The following UNC5B variants were observed in gnomAD, a reference collection of about 807,000 sequenced individuals.
The protein encoded by UNC5B is unc-5 netrin receptor B.
A neutral mutation model predicts 103.7 loss-of-function variants in UNC5B; 56 were observed. That is an observed-to-expected ratio of 0.54 (90% CI 0.44 to 0.67). The LOEUF is 0.67. UNC5B is among the 30% of genes least tolerant of loss of function. The pLI, the probability that UNC5B is intolerant of heterozygous loss-of-function variation, is 0.00. For synonymous variants in UNC5B, 577 were observed against 542.0 expected, an observed-to-expected ratio of 1.06 and a Z score of -0.90; for missense variants, 1,194 against 1,284.5, an observed-to-expected ratio of 0.93 and a Z score of 1.08.
Position 71,295,840 on chromosome 10 carries a change from C to T in UNC5B, c.2205C>T (p.Gly735=), listed in dbSNP as rs750967223. ...TGCTGGAGCTGGAGCGGACTCTGGG[C>T]GGATACTTGGTGGAGGAGCCGAAAC... ...KEVLELERTL[G]GYLVEEPKPL... The change falls in exon 14 of 17, where the codon GGC becomes GGT. Residue 735 remains glycine, a synonymous_variant. Transcript: ENST00000335350. The T allele has an allele frequency of 3.3e-5, 53 of 1,612,662 alleles. No homozygotes were observed. The highest frequency in any genetic ancestry group is 2.0e-4 in the Middle Eastern group (1 of 5,022).
intron 1 of UNC5B, among the ~76,000 whole-genome samples, chr10:71,261,339 T>A (rs1844413067): frequency 6.6e-6 from 1 of 152,184 alleles, no homozygotes; most frequent in South Asian, 2.1e-4. Flanking sequence ...AATTTATTAG[T>A]GATGCTTGCC....
chr10:71,236,491 C>G (rs558647026), intron 1 of UNC5B, among the ~76,000 whole-genome samples: 3 of 152,254 alleles, frequency 2.0e-5, no homozygotes, highest in East Asian at 3.9e-4. Context: ...AGAGCCAGCT[C>G]GTAAATATGA....
intron 1 of UNC5B, chr10:71,217,898 C>A (rs1036568946): frequency 6.6e-6 from 1 of 152,260 alleles, no homozygotes; most frequent in East Asian, 1.9e-4. Flanking sequence ...CTGCGGAGCC[C>A]CGGGAGCTCT....
At chr10:71,265,909 G>A (rs966008348) in intron 1 of UNC5B, among the ~76,000 whole-genome samples, 1 of 152,054 alleles carries the variant, frequency 6.6e-6, no homozygotes, top group Non-Finnish European at 1.5e-5. Context: ...TCACACCTCT[G>A]GCCTCTAGCT....
At chr10:71,216,329 G>C (rs191854272) in intron 1 of UNC5B, among the ~76,000 whole-genome samples, 1 of 152,322 alleles carries the variant, frequency 6.6e-6, no homozygotes, top group Non-Finnish European at 1.5e-5. Flanking sequence ...CTTTAGACTG[G>C]AACTCATGGC....
chr10:71,251,918 T>C (rs1844182882), intron 1 of UNC5B, among the ~76,000 whole-genome samples: 1 of 152,240 alleles, frequency 6.6e-6, no homozygotes, highest in Non-Finnish European at 1.5e-5. Context: ...GACCTTGCTT[T>C]TCTAGGACTT....
chr10:71,247,353 G>T (rs1844060231), intron 1 of UNC5B, among the ~76,000 whole-genome samples: 1 of 152,214 alleles, frequency 6.6e-6, no homozygotes, highest in Non-Finnish European at 1.5e-5. Flanking sequence ...TGGGTGTACA[G>T]AGAGGGCCAT....
intron 13 of UNC5B, 76 bp from the exon 14 acceptor site, chr10:71,295,735 G>C: frequency 6.5e-7 from 1 of 1,548,330 alleles, no homozygotes; most frequent in Non-Finnish European, 8.7e-7. Context: ...CCTGCCCCCT[G>C]CCCCGCACAG....
At chr10:71,296,347 A>G (rs887968131) in intron 14 of UNC5B, among the ~76,000 whole-genome samples, 4 of 151,858 alleles carry the variant, frequency 2.6e-5, no homozygotes, top group African/African-American at 7.3e-5. Flanking sequence ...AGCCCCTGAC[A>G]CACACACACC....
intron 1 of UNC5B, among the ~76,000 whole-genome samples, chr10:71,260,683 TC>T (rs1241425153): frequency 2.0e-5 from 3 of 152,180 alleles, no homozygotes; most frequent in African/African-American, 7.2e-5. Context: ...TTAAAGAGCC[TC>T]GGCAGCCAGG....
At chr10:71,294,054 A>C in intron 13 of UNC5B, 121 bp downstream of exon 13, 1 of 921,054 alleles carries the variant, frequency 1.1e-6, no homozygotes, top group Non-Finnish European at 1.6e-6. Flanking sequence ...CAGCATTATT[A>C]GGTCCCGCTT....
At chr10:71,233,298 CCGGGGTCCTGAGGTGGCCCCATCA>C (rs1318593333) in intron 1 of UNC5B, among the ~76,000 whole-genome samples, 2 of 152,070 alleles carry the variant, frequency 1.3e-5, no homozygotes, top group African/African-American at 2.4e-5. Context: ...TGGCCCCATC[CCGGGGTCCTGAGGTGGCCCCATCA>C]CGGGGTCCAC....
rs147729513 is a variant in UNC5B at position 71,299,496 on chromosome 10, C to G, written c.*219C>G. On this transcript the variant is annotated 3_prime_UTR_variant, in exon 17 of 17. Coordinates refer to ENST00000335350, the MANE Select transcript of UNC5B (RefSeq NM_170744.5). ...CCAGAGTTCCTTCTCCACCCCCGCT[C>G]TCTCTCTCTTGGCCTGAGATCTCTG... 24 of 552,598 alleles carry G rather than the reference C, an allele frequency of 4.3e-5. No homozygotes were observed. The highest frequency in any genetic ancestry group is 5.0e-4 in the Middle Eastern group (1 of 2,010). 34.2% of individuals were successfully genotyped at this position (552,598 alleles called of 1,614,324 possible).
intron 1 of UNC5B, among the ~76,000 whole-genome samples, chr10:71,230,595 T>G (rs1407597901): frequency 2.0e-5 from 3 of 152,130 alleles, no homozygotes; most frequent in Admixed American, 1.3e-4. Flanking sequence ...TATGTGGGCC[T>G]CCCCCCACAT....
Position 71,212,979 on chromosome 10 carries a change from CG to C in UNC5B, c.-4del. 1.5e-6 allele frequency: 2 copies of C among 1,367,314 alleles called. No homozygotes were observed. The highest frequency in any genetic ancestry group is 1.9e-5 in the South Asian group (1 of 53,820). The allele number at this position is 1,367,314 out of a possible 1,614,324, so 84.7% of individuals were successfully genotyped here. A position where few individuals can be genotyped will look rare whatever the true frequency, so the allele number is the denominator to read the frequency against. ...GGGGAGAGGCGCCCGAACCAGGCCG[CG>C]GGAGCATGGGGGCCCGGAGCGGAGC... On this transcript the variant is annotated 5_prime_UTR_variant, in exon 1 of 17. Coordinates refer to ENST00000335350, the MANE Select transcript of UNC5B (RefSeq NM_170744.5).
In UNC5B at chr10:71,213,083, TG is replaced by T. The variant is rs1426394292; in HGVS notation, c.79+24del. On this transcript the variant is annotated intron_variant, in intron 1 of 16. Transcript: ENST00000335350. This position sits in a 1 kb window ranked among gnomAD's most constrained non-coding sequence, Gnocchi z 4.1. ...CAAGCAGGTAGGAAGCGATCGGGTC[TG>T]GGGGCGCGGGGCTAGGGGACCCTTG... 4 of 1,325,580 alleles carry T rather than the reference TG, an allele frequency of 3.0e-6. No individual in the cohort carries two copies. Among genetic ancestry groups the T allele is most frequent in the Admixed American group, 3.4e-5 (1 of 29,492 alleles). 82.1% of individuals were successfully genotyped at this position (1,325,580 alleles called of 1,614,324 possible). A position where few individuals can be genotyped will look rare whatever the true frequency, so the allele number is the denominator to read the frequency against.
rs1390947657 is a variant in UNC5B, at chr10:71,291,644, C to T, written c.1507C>T (p.Leu503=). Residue 503 remains leucine (L), a synonymous_variant, in exon 10 of 17, where the codon CTG becomes TTG. Coordinates refer to ENST00000335350, the MANE Select transcript of UNC5B (RefSeq NM_170744.5). ...GPGLADGADL[L]GVLPPGTYPS... The stretch of plus-strand genomic sequence containing the variant: ...AGGCCTGGCAGATGGGGCTGACCTG[C>T]TGGGGGTCTTGCCGCCTGGCACATA... 6.2e-7 allele frequency: 1 copy of T among 1,613,938 alleles called. No homozygotes were observed. Among genetic ancestry groups the T allele is most frequent in the East Asian group, 2.2e-5 (1 of 44,884 alleles).
At chr10:71,262,239 T>C (rs1191806973) in intron 1 of UNC5B, among the ~76,000 whole-genome samples, 1 of 152,066 alleles carries the variant, frequency 6.6e-6, no homozygotes, top group Non-Finnish European at 1.5e-5. Context: ...TAATTACGGC[T>C]GGCACCCGAC....
chr10:71,282,934 G>A (rs1158516698), intron 2 of UNC5B, among the ~76,000 whole-genome samples: 1 of 151,502 alleles, frequency 6.6e-6, no homozygotes, highest in African/African-American at 2.4e-5. Context: ...GGCTAACACA[G>A]TGAAACTGTG....
Sources: allele counts gnomAD v4.1 joint callset (sites outside exome capture counted in the v4.1 genomes callset), GRCh38; gene constraint gnomAD v4.1.1; non-coding constraint Gnocchi (gnomAD v3.1); transcripts MANE v1.5; gene names NCBI Gene and HGNC (gene_info 2026-07-23, HGNC 2026-07-21).